Variants in ARID2 observed in about 807,000 individuals in gnomAD.
ARID2 encodes AT-rich interaction domain 2.
ARID2 carries 32 observed loss-of-function variants against 184.6 expected under a neutral mutation model. The ratio of observed to expected loss-of-function variants is 0.17; its 90% confidence interval spans 0.13 to 0.23. ARID2 has a LOEUF of 0.23. ARID2 is among the 10% of genes least tolerant of loss of function. ARID2 has a pLI of 1.00. For synonymous variants in ARID2, 836 were observed against 772.6 expected, an observed-to-expected ratio of 1.08 and a Z score of -1.36; for missense variants, 1,696 against 2,197.6, an observed-to-expected ratio of 0.77 and a Z score of 4.56.
intron 20 of ARID2, 69 bp from the exon 21 acceptor site, chr12:45,904,865 C>G: frequency 6.4e-6 from 10 of 1,554,288 alleles, no homozygotes; most frequent in Admixed American, 3.8e-5. Flanking sequence ...TTTAAACTTG[C>G]AAAATTCATG....
In ARID2 at chr12:45,850,195, A is replaced by G; in HGVS notation, c.2072A>G (p.His691Arg). ...AGAATTCCACAAAATCCTTCACCTC[A>G]TACCCACCAGCAACAAAATGCTCCA... is the stretch of plus-strand genomic sequence containing the variant. ...VSRIPQNPSPHTHQQQNAPVT... is the reference protein window; with the variant it reads ...VSRIPQNPSPRTHQQQNAPVT... Residue 691 changes from histidine to arginine, a missense_variant, in exon 15 of 21, where the codon CAT (histidine) becomes CGT (arginine). Physicochemically the swap from His to Arg is conservative, Grantham distance 29 (BLOSUM62 0). This residue lies in a region of ARID2 where 713 missense variants were observed against 824.4 expected (regional missense o/e 0.86). Coordinates refer to ENST00000334344, the MANE Select transcript of ARID2 (RefSeq NM_152641.4). 1 of 1,614,118 alleles carries G rather than the reference A, an allele frequency of 6.2e-7. No individual in the cohort carries two copies. The highest frequency in any genetic ancestry group is 8.5e-7 in the Non-Finnish European group (1 of 1,179,984).
intron 5 of ARID2, among the ~76,000 whole-genome samples, chr12:45,820,950 A>C (rs1237395390): frequency 1.3e-5 from 2 of 152,126 alleles, no homozygotes; most frequent in Non-Finnish European, 2.9e-5. Context: ...ATTTTCCTTA[A>C]AGGAGATTTA....
intron 16 of ARID2, among the ~76,000 whole-genome samples, chr12:45,888,408 A>G: frequency 6.6e-6 from 1 of 152,204 alleles, no homozygotes; most frequent in Admixed American, 6.5e-5. Flanking sequence ...GAAATGAATA[A>G]AAGTAGTTGT....
intron 3 of ARID2, among the ~76,000 whole-genome samples, chr12:45,774,357 A>C (rs1941936993): frequency 1.3e-5 from 2 of 152,278 alleles, no homozygotes; most frequent in Admixed American, 6.5e-5. Context: ...CTTAAAGAGT[A>C]TAAGCTGGGG....
At position 45,852,355 on chromosome 12, in the gene ARID2, A is replaced by C. The variant is rs762810888; in HGVS notation, c.4232A>C (p.Gln1411Pro). 1 of 1,614,194 alleles carries C rather than the reference A, an allele frequency of 6.2e-7. No homozygotes were observed. Among genetic ancestry groups the C allele is most frequent in the South Asian group, 1.1e-5 (1 of 91,084 alleles). The change falls in exon 15 of 21, where the codon CAA becomes CCA. Residue 1411 changes from glutamine (Q) to proline (P), a missense_variant. By Grantham distance (76) the Gln-to-Pro change is moderately conservative (BLOSUM62 -1). Transcript: ENST00000334344. ...ITQQDTAKGD[Q>P]LERISNGPVL... ...CAGCAAGATACTGCCAAAGGTGATC[A>C]ACTAGAAAGAATTTCTAATGGACCT...
intron 20 of ARID2, among the ~76,000 whole-genome samples, chr12:45,903,297 A>T (rs1944481406): frequency 6.6e-6 from 1 of 152,162 alleles, no homozygotes; most frequent in Admixed American, 6.5e-5. Context: ...TGCTATAAAC[A>T]TTCTAAACCA....
chr12:45,802,884 C>G (rs1201128824), intron 3 of ARID2, among the ~76,000 whole-genome samples: 2 of 152,186 alleles, frequency 1.3e-5, no homozygotes, highest in South Asian at 2.1e-4. Flanking sequence ...CCACGTTCGT[C>G]TGCCTGTGAA....
chr12:45,798,278 A>G (rs1452579830), intron 3 of ARID2, among the ~76,000 whole-genome samples: 1 of 152,108 alleles, frequency 6.6e-6, no homozygotes, highest in Non-Finnish European at 1.5e-5. Context: ...ATTCTTTGCT[A>G]ACATGCAATG....
intron 3 of ARID2, among the ~76,000 whole-genome samples, chr12:45,743,406 G>C (rs1452428663): frequency 6.6e-6 from 1 of 151,976 alleles, no homozygotes; most frequent in African/African-American, 2.4e-5. Flanking sequence ...TGTTGCCCAG[G>C]CTTGAGTGCA....
At chr12:45,749,805 T>G (rs1030802280) in intron 3 of ARID2, among the ~76,000 whole-genome samples, 1 of 152,250 alleles carries the variant, frequency 6.6e-6, no homozygotes, top group South Asian at 2.1e-4. Flanking sequence ...CTTCAGACTT[T>G]CCTTCTGCAG....
intron 10 of ARID2, among the ~76,000 whole-genome samples, chr12:45,839,113 C>T (rs113311324): frequency 1.3e-5 from 2 of 151,856 alleles, no homozygotes; most frequent in African/African-American, 2.4e-5. Context: ...ATCCGCCCGC[C>T]TCCGCCTCCC....
Position 45,905,283 on chromosome 12 carries a change from GA to G in ARID2, c.*217del, listed in dbSNP as rs911036560. 0.092 allele frequency: 28,666 copies of G among 310,908 alleles called. 4 individuals carry two copies. The highest frequency in any genetic ancestry group is 0.13 in the South Asian group (1,705 of 13,594). 19.3% of individuals were successfully genotyped at this position (310,908 alleles called of 1,614,324 possible). A position where few individuals can be genotyped will look rare whatever the true frequency, so the allele number is the denominator to read the frequency against. On this transcript the variant is annotated 3_prime_UTR_variant, in exon 21 of 21. Coordinates refer to ENST00000334344, the MANE Select transcript of ARID2 (RefSeq NM_152641.4). ...TTTAAAAAAATCTAAAAAGAAAAAG[GA>G]AAAAAAAAAAAGAACTGCTGTGGGA...
chr12:45,871,852 TC>T (rs1474912007), intron 16 of ARID2, among the ~76,000 whole-genome samples: 1 of 152,226 alleles, frequency 6.6e-6, no homozygotes, highest in Non-Finnish European at 1.5e-5. Flanking sequence ...ATTGTGTCTT[TC>T]AGGGAATTGG....
chr12:45,811,517 A>G lies in ARID2; in HGVS notation c.384A>G (p.Pro128=). ...PKPQLPIGAI[P]SSYNYQQHSV... is the part of the protein sequence containing the mutation. ...CACAGCTTCCTATTGGTGCAATTCC[A>G]TCTTCCTACAATTACCAGCAACACA... The change falls in exon 4 of 21, where the codon CCA becomes CCG. Residue 128 remains proline, a synonymous_variant. Coordinates refer to ENST00000334344, the MANE Select transcript of ARID2 (RefSeq NM_152641.4). 6.2e-7 allele frequency: 1 copy of G among 1,613,874 alleles called. No individual in the cohort carries two copies. The highest frequency in any genetic ancestry group is 2.2e-5 in the East Asian group (1 of 44,860).
At chr12:45,839,843 A>G in intron 11 of ARID2, 1 of 192,826 alleles carries the variant, frequency 5.2e-6, no homozygotes, top group Non-Finnish European at 1.1e-5. Context: ...TAGATTATTC[A>G]TATATTACCT....
At chr12:45,796,936 T>G (rs1484162753) in intron 3 of ARID2, among the ~76,000 whole-genome samples, 2 of 152,232 alleles carry the variant, frequency 1.3e-5, no homozygotes, top group Non-Finnish European at 2.9e-5. Context: ...ACACTATGTA[T>G]TTCTACTCTC....
chr12:45,764,818 G>A (rs1042506115), intron 3 of ARID2, among the ~76,000 whole-genome samples: 1 of 152,082 alleles, frequency 6.6e-6, no homozygotes, highest in Non-Finnish European at 1.5e-5. Context: ...ATAAACATTC[G>A]CATATAAGTT....
intron 4 of ARID2, 137 bp downstream of exon 4, chr12:45,811,688 G>T (rs1242509559): frequency 2.3e-6 from 2 of 868,994 alleles, no homozygotes; most frequent in Non-Finnish European, 3.2e-6. Flanking sequence ...TTCAAAGATT[G>T]ACATCTAATT....
At position 45,850,811 on chromosome 12, in the gene ARID2, T is replaced by A. The variant is rs751852919; in HGVS notation, c.2688T>A (p.Ile896=). 5.0e-6 allele frequency: 8 copies of A among 1,613,964 alleles called. No homozygotes were observed. The Admixed American group carries it at 1.0e-4, about 20-fold the overall frequency. ...PQASRVGFQN[I]APKPLPSQQV... ...CCTCAAGGGTAGGGTTTCAGAACATTGCACCAAAACCTCTCCCTTCTCAGC... is the reference window on the plus strand; with the variant it reads ...CCTCAAGGGTAGGGTTTCAGAACATAGCACCAAAACCTCTCCCTTCTCAGC... Residue 896 remains isoleucine, a synonymous_variant, in exon 15 of 21, where the codon ATT becomes ATA. Transcript: ENST00000334344.
Sources: gnomAD v4.1 joint callset for allele counts (sites outside exome capture counted in the v4.1 genomes callset) on GRCh38, gnomAD v4.1.1 for gene constraint, gnomAD v4.1.1 regional missense constraint, MANE v1.5 for transcripts, NCBI Gene and HGNC (gene_info 2026-07-23, HGNC 2026-07-21) for gene names.